Variants in DERL2 observed in about 807,000 individuals in gnomAD.
DERL2 encodes derlin 2.
DERL2 carries 13 observed loss-of-function variants against 32.0 expected under a neutral mutation model. That is an observed-to-expected ratio of 0.41 (90% confidence interval 0.26 to 0.65). The LOEUF (loss-of-function observed/expected upper bound fraction) is 0.65. DERL2 is among the 30% of genes least tolerant of loss of function. The pLI is 0.35. For synonymous variants in DERL2, 111 were observed against 104.7 expected (o/e 1.06, Z -0.37); for missense variants, 208 against 296.3 (o/e 0.70, Z 2.19).
intron 6 of DERL2, among the ~76,000 whole-genome samples, chr17:5,475,258 AT>A (rs542436073): frequency 3.4e-3 from 478 of 141,884 alleles, no homozygotes; most frequent in African/African-American, 5.7e-3. Context: ...ATATAATAGA[AT>A]TTTTTTTTTT....
At chr17:5,479,387 C>A (rs1244316872) in intron 6 of DERL2, among the ~76,000 whole-genome samples, 1 of 151,354 alleles carries the variant, frequency 6.6e-6, no homozygotes, top group Non-Finnish European at 1.5e-5. Context: ...TCAATTGAGC[C>A]CTTTTTAATA....
chr17:5,477,695 T>C (rs1402144756), intron 6 of DERL2, among the ~76,000 whole-genome samples: 1 of 152,142 alleles, frequency 6.6e-6, no homozygotes, highest in Non-Finnish European at 1.5e-5. Flanking sequence ...AGTTTGTTAA[T>C]TTTCATAATA....
chr17:5,474,408 A>G lies in DERL2; in HGVS notation c.*276T>C, dbSNP rs575695837. 6.7e-6 allele frequency: 2 copies of G among 299,914 alleles called. No homozygotes were observed. Among genetic ancestry groups the G allele is most frequent in the Non-Finnish European group, 1.2e-5 (2 of 162,976 alleles). The allele number at this position is 299,914 out of a possible 1,614,324, so 18.6% of individuals were successfully genotyped here. A position where few individuals can be genotyped will look rare whatever the true frequency, so the allele number is the denominator to read the frequency against. On this transcript the variant is annotated 3_prime_UTR_variant, in exon 7 of 7. Transcript: ENST00000158771. This position sits in a 1 kb window ranked among gnomAD's most constrained non-coding sequence, Gnocchi z 4.3. ...GGCTCTGCCTTATACCATAAAAATC[A>G]AGTACTCATGTACTTGTTAGAGGTG...
At chr17:5,486,360 C>CA (rs996564079), upstream of DERL2, 9 of 506,052 alleles carry the variant, frequency 1.8e-5, no homozygotes, top group East Asian at 2.4e-4. Flanking sequence ...GCCACCGCCC[C>CA]CCCCCAGCGC....
intron 3 of DERL2, 175 bp downstream of exon 3, chr17:5,482,634 G>A: frequency 2.0e-6 from 1 of 495,156 alleles, no homozygotes; most frequent in Non-Finnish European, 3.7e-6. Context: ...TTTGAACAAA[G>A]TGACCTACAG....
chr17:5,484,523 C>T (rs1310833637), intron 2 of DERL2, among the ~76,000 whole-genome samples: 3 of 152,292 alleles, frequency 2.0e-5, no homozygotes, highest in Admixed American at 6.5e-5. Context: ...GCTGGGATTA[C>T]AGGCGTGAGC....
intron 1 of DERL2, 122 bp downstream of exon 1, chr17:5,485,947 T>C (rs770529444): frequency 3.8e-5 from 31 of 807,462 alleles, no homozygotes; most frequent in Non-Finnish European, 5.2e-5. Flanking sequence ...GTAATCCCTG[T>C]ACGCCTCCAC....
intron 5 of DERL2, 116 bp downstream of exon 5, chr17:5,480,271 T>C: frequency 8.1e-7 from 1 of 1,231,306 alleles, no homozygotes; most frequent in Non-Finnish European, 1.1e-6. Flanking sequence ...AATGAACTAA[T>C]ATTGTGGTAT....
Position 5,481,433 on chromosome 17 carries a change from C to G in DERL2, c.234-44G>C, listed in dbSNP as rs1905775749. On this transcript the variant is annotated intron_variant, in intron 3 of 6. Transcript: ENST00000158771. The surrounding 1 kb of genome is among the most constrained non-coding windows in gnomAD (Gnocchi z 4.4). Reference sequence around the variant, plus strand: ...AAAATATTAAGCACACGAATATGAACAAAGTAAAAATTTAATGTTATCTTG... The same window carrying G: ...AAAATATTAAGCACACGAATATGAAGAAAGTAAAAATTTAATGTTATCTTG... 7.2e-7 allele frequency: 1 copy of G among 1,384,690 alleles called. No homozygotes were observed. Among genetic ancestry groups the G allele is most frequent in the Non-Finnish European group, 1.0e-6 (1 of 976,454 alleles). 85.8% of individuals were successfully genotyped at this position (1,384,690 alleles called of 1,614,324 possible). A position where few individuals can be genotyped will look rare whatever the true frequency, so the allele number is the denominator to read the frequency against.
Position 5,472,747 on chromosome 17 carries a change from GA to G in DERL2, c.*1936del, listed in dbSNP as rs1567607994. On this transcript the variant is annotated 3_prime_UTR_variant, in exon 7 of 7. Transcript: ENST00000158771. Reference sequence around the variant, plus strand: ...CTCAGGGAGAACAAATAAAACTAGAGAAACTCATTTCTAGCCCAAAAACAAT... The same window carrying G: ...CTCAGGGAGAACAAATAAAACTAGAGAACTCATTTCTAGCCCAAAAACAAT... 1 of 149,100 alleles carries G rather than the reference GA, an allele frequency of 6.7e-6. No individual in the cohort carries two copies. 9.2% of individuals were successfully genotyped at this position (149,100 alleles called of 1,614,324 possible). A position where few individuals can be genotyped will look rare whatever the true frequency, so the allele number is the denominator to read the frequency against.
chr17:5,471,572 G>A lies in DERL2; in HGVS notation c.*3112C>T, dbSNP rs1905128720. 6.6e-6 allele frequency: 1 copy of A among 152,174 alleles called. No individual in the cohort carries two copies. Among genetic ancestry groups the A allele is most frequent in the Admixed American group, 6.5e-5 (1 of 15,284 alleles). The allele number at this position is 152,174 out of a possible 1,614,324, so 9.4% of individuals were successfully genotyped here. A position where few individuals can be genotyped will look rare whatever the true frequency, so the allele number is the denominator to read the frequency against. On this transcript the variant is annotated 3_prime_UTR_variant, in exon 7 of 7. Transcript: ENST00000158771. ...GAAGAACTGAAGAGACTTAAGTTGA[G>A]GTCCCTGTTAGGTAGAAGTGGGAGT...
intron 2 of DERL2, among the ~76,000 whole-genome samples, chr17:5,484,050 C>T (rs1905978052): frequency 6.6e-6 from 1 of 152,166 alleles, no homozygotes; most frequent in Non-Finnish European, 1.5e-5. Context: ...TGTTCTAAAA[C>T]AAAGGAGGAT....
chr17:5,482,845 G>T lies in DERL2; in HGVS notation c.197C>A (p.Pro66Gln). The stretch of plus-strand genomic sequence containing the variant: ...GTTAAATAAAAAATTGAATCCAACT[G>T]GCCCAAAAAATAAGAAGTTGGTGAT... ...RLITNFLFFGPVGFNFLFNMI... is the reference protein window; with the variant it reads ...RLITNFLFFGQVGFNFLFNMI... The change falls in exon 3 of 7, where the codon CCA (proline) becomes CAA (glutamine). Residue 66 changes from proline (P) to glutamine (Q), a missense_variant. Coordinates refer to ENST00000158771, the MANE Select transcript of DERL2 (RefSeq NM_016041.5). 6.6e-7 allele frequency: 1 copy of T among 1,518,250 alleles called. No homozygotes were observed. The highest frequency in any genetic ancestry group is 9.0e-7 in the Non-Finnish European group (1 of 1,112,136). 94.0% of individuals were successfully genotyped at this position (1,518,250 alleles called of 1,614,324 possible).
intron 2 of DERL2, among the ~76,000 whole-genome samples, 195 bp from the exon 3 acceptor site, chr17:5,483,077 T>C (rs777312614): frequency 5.3e-5 from 8 of 152,130 alleles, no homozygotes; most frequent in Non-Finnish European, 1.2e-4. Flanking sequence ...TAGTTCAAAG[T>C]CTGAAAGACA....
At position 5,484,237 on chromosome 17, in the gene DERL2, T is replaced by C. The variant is rs376398829; in HGVS notation, c.159+914A>G. ...GTAAGATCATCCTGGAACAGAAAAATCCATCTCTCTTTTAGCATTTTATTT... is the reference window on the plus strand; with the variant it reads ...GTAAGATCATCCTGGAACAGAAAAACCCATCTCTCTTTTAGCATTTTATTT... On this transcript the variant is annotated intron_variant, in intron 2 of 6. Transcript: ENST00000158771. 8.2e-4 allele frequency among the ~76,000 whole-genome samples: 125 copies of C among 152,290 alleles called. 4 individuals are homozygous for C. The South Asian group carries it at 0.025, about 30-fold the overall frequency.
rs1032852798 is a variant in DERL2, at chr17:5,480,708, A to T, written c.328-126T>A. The T allele has an allele frequency of 9.8e-6, 8 of 818,840 alleles. No homozygotes were observed. The African/African-American group carries it at 1.3e-4, about 13-fold the overall frequency. 50.7% of individuals were successfully genotyped at this position (818,840 alleles called of 1,614,324 possible). ...AAAGTCAAGTTGTTACATCTTTAGA[A>T]TAGAAGGAGAAACACCCAGAAAATA... On this transcript the variant is annotated intron_variant, in intron 4 of 6. Coordinates refer to ENST00000158771, the MANE Select transcript of DERL2 (RefSeq NM_016041.5).
intron 6 of DERL2, among the ~76,000 whole-genome samples, chr17:5,476,772 A>C (rs1002493271): frequency 6.6e-6 from 1 of 152,126 alleles, no homozygotes; most frequent in Non-Finnish European, 1.5e-5. Context: ...CAGAGCAAGA[A>C]TCCGTTTCAA....
At chr17:5,483,517 T>C (rs2151708456) in intron 2 of DERL2, among the ~76,000 whole-genome samples, 1 of 152,138 alleles carries the variant, frequency 6.6e-6, no homozygotes, top group East Asian at 1.9e-4. Context: ...GATAGACCCT[T>C]CCCTACCCAA....
chr17:5,476,674 G>A (rs937286659), intron 6 of DERL2, among the ~76,000 whole-genome samples: 1 of 152,200 alleles, frequency 6.6e-6, no homozygotes, highest in African/African-American at 2.4e-5. Flanking sequence ...CCAGCTACTA[G>A]GGAGGCTGAC....
Sources: gnomAD v4.1 joint callset for allele counts (sites outside exome capture counted in the v4.1 genomes callset) on GRCh38, gnomAD v4.1.1 for gene constraint, Gnocchi (gnomAD v3.1) non-coding constraint, MANE v1.5 for transcripts, NCBI Gene and HGNC (gene_info 2026-07-23, HGNC 2026-07-21) for gene names.